CSMD1: variants seen among roughly 807,000 people sequenced by gnomAD.
The protein encoded by CSMD1 is CUB and sushi domain-containing protein 1.
CSMD1 carries 213 observed loss-of-function variants against 417.5 expected under a neutral mutation model. The ratio of observed to expected loss-of-function variants is 0.51; its 90% CI spans 0.46 to 0.57. The LOEUF is 0.57. Among genes scored for constraint, CSMD1 ranks in the 20% least tolerant of loss-of-function variants. The pLI, the probability that CSMD1 is intolerant of heterozygous loss-of-function variation, is 0.00. For synonymous variants in CSMD1, 2,862 were observed against 1,736.8 expected, an observed-to-expected ratio of 1.65 and a Z score of -16.11; for missense variants, 6,923 against 4,529.7, an observed-to-expected ratio of 1.53 and a Z score of -15.17.
chr8:3,662,970 G>A (rs577999661), intron 7 of CSMD1, among the ~76,000 whole-genome samples: 170 of 152,078 alleles, frequency 1.1e-3, no homozygotes, highest in Non-Finnish European at 2.0e-3. Flanking sequence ...CAAACCTGCA[G>A]GTTCTGCACA....
chr8:3,329,701 G>A (rs369304742), intron 23 of CSMD1, among the ~76,000 whole-genome samples: 14 of 152,224 alleles, frequency 9.2e-5, no homozygotes, highest in East Asian at 5.8e-4. Flanking sequence ...CCCCGGGGCC[G>A]CATGGGCCTG....
intron 5 of CSMD1, among the ~76,000 whole-genome samples, chr8:3,962,989 T>C (rs953669252): frequency 2.0e-5 from 3 of 152,106 alleles, no homozygotes; most frequent in Non-Finnish European, 4.4e-5. Flanking sequence ...CAGGCTGGAG[T>C]GCGGTGGAGC....
At chr8:4,219,974 G>T (rs1427483976) in intron 3 of CSMD1, among the ~76,000 whole-genome samples, 1 of 151,950 alleles carries the variant, frequency 6.6e-6, no homozygotes, top group Admixed American at 6.5e-5. Context: ...TTTTGAAATG[G>T]AGTCTCACTC....
At chr8:3,807,262 C>A (rs546380259) in intron 5 of CSMD1, among the ~76,000 whole-genome samples, 5 of 152,206 alleles carry the variant, frequency 3.3e-5, no homozygotes, top group African/African-American at 1.2e-4. Context: ...ATTCTTTGAT[C>A]AACAGAAACT....
At chr8:3,971,107 G>A (rs1160913882) in intron 5 of CSMD1, among the ~76,000 whole-genome samples, 1 of 152,108 alleles carries the variant, frequency 6.6e-6, no homozygotes, top group Admixed American at 6.5e-5. Context: ...AGAACCATGT[G>A]ATCCAACATG....
chr8:3,879,225 T>C (rs1475423512), intron 5 of CSMD1, among the ~76,000 whole-genome samples: 1 of 152,184 alleles, frequency 6.6e-6, no homozygotes, highest in Non-Finnish European at 1.5e-5. Flanking sequence ...TATGTATTTA[T>C]ACACTATACC....
At chr8:3,517,497 T>C (rs1585290448) in intron 10 of CSMD1, among the ~76,000 whole-genome samples, 1 of 152,176 alleles carries the variant, frequency 6.6e-6, no homozygotes, top group East Asian at 1.9e-4. Context: ...TGATAAAAAA[T>C]ACTTAGAAAA....
chr8:3,885,997 G>T (rs1236948063), intron 5 of CSMD1, among the ~76,000 whole-genome samples: 1 of 151,298 alleles, frequency 6.6e-6, no homozygotes, highest in Non-Finnish European at 1.5e-5. Flanking sequence ...ATATATATAT[G>T]TGTACATATA....
intron 23 of CSMD1, among the ~76,000 whole-genome samples, chr8:3,330,176 C>G (rs567449014): frequency 6.6e-6 from 1 of 152,136 alleles, no homozygotes; most frequent in African/African-American, 2.4e-5. Context: ...TAAACTTCTT[C>G]AATTACTATA....
At chr8:4,000,129 C>G (rs1339944555) in intron 4 of CSMD1, among the ~76,000 whole-genome samples, 1 of 152,156 alleles carries the variant, frequency 6.6e-6, no homozygotes, top group South Asian at 2.1e-4. Flanking sequence ...CACCACTGTG[C>G]AAGCACACAC....
intron 7 of CSMD1, among the ~76,000 whole-genome samples, chr8:3,630,781 C>T (rs1796746078): frequency 6.6e-6 from 1 of 152,144 alleles, no homozygotes; most frequent in South Asian, 2.1e-4. Context: ...GTGGCTAAAG[C>T]AATAGAAGAA....
chr8:4,678,660 A>G (rs570101892), intron 1 of CSMD1, among the ~76,000 whole-genome samples: 12 of 152,316 alleles, frequency 7.9e-5, no homozygotes, highest in African/African-American at 2.9e-4. Context: ...TATCAGGGAA[A>G]TGGATACCTT....
At chr8:3,287,645 T>A (rs1162521772) in intron 25 of CSMD1, among the ~76,000 whole-genome samples, 1 of 152,212 alleles carries the variant, frequency 6.6e-6, no homozygotes, top group Non-Finnish European at 1.5e-5. Flanking sequence ...TTTTTGCACA[T>A]TGATTTTGTA....
chr8:4,924,041 G>C (rs1335849380), intron 1 of CSMD1, among the ~76,000 whole-genome samples: 2 of 152,132 alleles, frequency 1.3e-5, no homozygotes, highest in African/African-American at 4.8e-5. Flanking sequence ...CAGCTTGCTT[G>C]AAGTCTCAAT....
intron 10 of CSMD1, among the ~76,000 whole-genome samples, chr8:3,537,065 A>G (rs1001471637): frequency 1.3e-4 from 19 of 151,678 alleles, no homozygotes; most frequent in African/African-American, 4.6e-4. Flanking sequence ...GTGCAGTGGC[A>G]CTATCTCAGC....
chr8:3,750,924 C>T (rs990962645), intron 6 of CSMD1, among the ~76,000 whole-genome samples: 2 of 152,124 alleles, frequency 1.3e-5, no homozygotes, highest in East Asian at 1.9e-4. Context: ...TGCCTTTCTG[C>T]GTACTGTGCA....
At chr8:4,058,789 A>C (rs1489390605) in intron 3 of CSMD1, among the ~76,000 whole-genome samples, 1 of 149,690 alleles carries the variant, frequency 6.7e-6, no homozygotes, top group Non-Finnish European at 1.5e-5. Context: ...CAGATTCATA[A>C]AGCAAGTCCT....
At chr8:4,094,098 A>T (rs1021145817) in intron 3 of CSMD1, among the ~76,000 whole-genome samples, 4 of 151,788 alleles carry the variant, frequency 2.6e-5, no homozygotes, top group African/African-American at 9.7e-5. Context: ...TGGATGGAGG[A>T]AAACGGCTTC....
intron 3 of CSMD1, among the ~76,000 whole-genome samples, chr8:4,385,563 C>A (rs1299914058): frequency 1.3e-5 from 2 of 152,098 alleles, no homozygotes; most frequent in Admixed American, 6.5e-5. Context: ...CACATTACTA[C>A]AGTGTATTGT....
Sources: gnomAD v4.1 joint callset for allele counts (sites outside exome capture counted in the v4.1 genomes callset) on GRCh38, gnomAD v4.1.1 for gene constraint, MANE v1.5 for transcripts, NCBI Gene and HGNC (gene_info 2026-07-23, HGNC 2026-07-21) for gene names.